The following KCNMA1 variants were observed in gnomAD, a reference collection of about 807,000 sequenced individuals.
KCNMA1 encodes the protein potassium calcium-activated channel subfamily M alpha 1.
A neutral mutation model predicts 140.0 loss-of-function variants in KCNMA1; 29 were observed. That is an observed-to-expected ratio of 0.21 (90% confidence interval 0.15 to 0.28). The LOEUF is 0.28. Ranked by LOEUF, KCNMA1 falls within the 10% of genes least tolerant of loss-of-function variation. The pLI is 1.00. For synonymous variants in KCNMA1, 612 were observed against 611.9 expected (o/e 1.00, Z 0.00); for missense variants, 880 against 1,602.2 (o/e 0.55, Z 7.70).
intron 1 of KCNMA1, among the ~76,000 whole-genome samples, chr10:77,462,141 CACAT>C (rs2097885503): frequency 2.6e-5 from 4 of 151,992 alleles, no homozygotes; most frequent in Admixed American, 2.6e-4. Context: ...TACATGCACA[CACAT>C]ACACGCATGC....
intron 14 of KCNMA1, among the ~76,000 whole-genome samples, chr10:77,051,362 G>T (rs375009465): frequency 6.6e-6 from 1 of 152,188 alleles, no homozygotes; most frequent in African/African-American, 2.4e-5. Flanking sequence ...CATAAATTCT[G>T]CTAGTTTTAG....
At chr10:76,931,240 T>C (rs2152694178) in intron 23 of KCNMA1, among the ~76,000 whole-genome samples, 1 of 152,300 alleles carries the variant, frequency 6.6e-6, no homozygotes, top group South Asian at 2.1e-4. Flanking sequence ...TTTCACAATG[T>C]ATATGTATAT....
At chr10:77,295,787 C>CAAATAAAA (rs2074841942) in intron 2 of KCNMA1, among the ~76,000 whole-genome samples, 1 of 43,246 alleles carries the variant, frequency 2.3e-5, no homozygotes, top group Non-Finnish European at 4.0e-5. Context: ...GACTCCGTCT[C>CAAATAAAA]AAAAAAAAAA....
chr10:77,182,792 CT>C (rs932864228), intron 5 of KCNMA1, among the ~76,000 whole-genome samples: 1 of 152,134 alleles, frequency 6.6e-6, no homozygotes, highest in African/African-American at 2.4e-5. Flanking sequence ...AAGCCCTGGG[CT>C]TCCATGACTA....
chr10:77,603,949 C>A (rs1430962101), intron 1 of KCNMA1, among the ~76,000 whole-genome samples: 4 of 152,216 alleles, frequency 2.6e-5, no homozygotes, highest in African/African-American at 9.6e-5. Flanking sequence ...ACATTTCCTG[C>A]CTCCAGGACT....
chr10:77,046,565 C>G (rs555659162), intron 14 of KCNMA1, among the ~76,000 whole-genome samples: 36 of 152,122 alleles, frequency 2.4e-4, no homozygotes, highest in Non-Finnish European at 4.7e-4. Context: ...TTGAATCTTG[C>G]GTTTTCTCAT....
chr10:77,185,563 TAAACC>T (rs1395020065), intron 3 of KCNMA1, among the ~76,000 whole-genome samples: 1 of 151,884 alleles, frequency 6.6e-6, no homozygotes, highest in Non-Finnish European at 1.5e-5. Flanking sequence ...TTCAGACCAT[TAAACC>T]AAAAGGTTGA....
chr10:76,880,428 A>G (rs970354843), downstream of KCNMA1, among the ~76,000 whole-genome samples: 5 of 152,154 alleles, frequency 3.3e-5, no homozygotes. Context: ...TATGCCTGAG[A>G]AACAGCTGTT....
chr10:76,941,021 G>GGAAGGAAGGAAGGAAGAAA, intron 23 of KCNMA1, among the ~76,000 whole-genome samples: 1 of 53,172 alleles, frequency 1.9e-5, no homozygotes, highest in East Asian at 3.4e-4. Flanking sequence ...AAGGAAGGAA[G>GGAAGGAAGGAAGGAAGAAA]AAAGAAAGAA....
intron 1 of KCNMA1, among the ~76,000 whole-genome samples, chr10:77,451,321 A>G (rs2097653386): frequency 6.6e-6 from 1 of 152,120 alleles, no homozygotes; most frequent in Non-Finnish European, 1.5e-5. Flanking sequence ...GGGCAGATAA[A>G]AAGAGGAACC....
intron 2 of KCNMA1, chr10:77,313,921 G>A (rs1305582367): frequency 2.6e-5 from 4 of 152,038 alleles, no homozygotes; most frequent in Non-Finnish European, 4.4e-5. Context: ...AACCCAATCT[G>A]GTATTTTTAA....
intron 5 of KCNMA1, among the ~76,000 whole-genome samples, chr10:77,166,971 CTT>C (rs1479549897): frequency 2.0e-5 from 3 of 152,122 alleles, no homozygotes; most frequent in Admixed American, 6.6e-5. Flanking sequence ...TGAAATTATT[CTT>C]TTGTAGCTAT....
chr10:77,156,636 A>G (rs1410444273), intron 5 of KCNMA1, among the ~76,000 whole-genome samples: 1 of 152,254 alleles, frequency 6.6e-6, no homozygotes, highest in Non-Finnish European at 1.5e-5. Flanking sequence ...CTGCTAACAC[A>G]TAAGCGCAGT....
chr10:77,607,611 A>C (rs2085007566), intron 1 of KCNMA1, among the ~76,000 whole-genome samples: 1 of 152,120 alleles, frequency 6.6e-6, no homozygotes, highest in Admixed American at 6.5e-5. Flanking sequence ...ATGGAAACTG[A>C]GATGGAGCAA....
At chr10:76,936,027 T>C (rs927716415) in intron 23 of KCNMA1, among the ~76,000 whole-genome samples, 21 of 152,222 alleles carry the variant, frequency 1.4e-4, no homozygotes, top group Admixed American at 9.2e-4. Context: ...ATTACTAGAA[T>C]AGTAAATGGC....
intron 3 of KCNMA1, among the ~76,000 whole-genome samples, chr10:77,244,302 A>G (rs182597710): frequency 8.3e-4 from 127 of 152,294 alleles, no homozygotes; most frequent in African/African-American, 3.0e-3. Context: ...TTTGACTCTA[A>G]TACTATATTC....
At chr10:77,029,424 C>T (rs2093748733) in intron 15 of KCNMA1, among the ~76,000 whole-genome samples, 1 of 152,146 alleles carries the variant, frequency 6.6e-6, no homozygotes, top group African/African-American at 2.4e-5. Flanking sequence ...ATTGATAGCT[C>T]CATTTTACAC....
intron 2 of KCNMA1, among the ~76,000 whole-genome samples, chr10:77,277,173 G>T (rs1252801337): frequency 6.6e-6 from 1 of 152,116 alleles, no homozygotes. Flanking sequence ...TCCTTCAAGG[G>T]AGGAGAAGAA....
intron 18 of KCNMA1, among the ~76,000 whole-genome samples, chr10:77,004,386 C>A (rs1451207353): frequency 6.6e-6 from 1 of 152,152 alleles, no homozygotes; most frequent in African/African-American, 2.4e-5. Flanking sequence ...GGGAAGGTGG[C>A]TCTTTTTCGC....
Sources: allele counts gnomAD v4.1 joint callset (sites outside exome capture counted in the v4.1 genomes callset), GRCh38; gene constraint gnomAD v4.1.1; transcripts MANE v1.5; gene names NCBI Gene and HGNC (gene_info 2026-07-23, HGNC 2026-07-21).